The following SLC4A5 variants were observed in gnomAD, a reference collection of about 807,000 sequenced individuals.
SLC4A5 encodes solute carrier family 4 member 5, also known as electrogenic sodium bicarbonate cotransporter 4.
A neutral mutation model predicts 120.4 loss-of-function variants in SLC4A5; 96 were observed. That is an observed-to-expected ratio of 0.80 (90% confidence interval 0.68 to 0.94). SLC4A5 has a LOEUF of 0.94. Among genes scored for constraint, SLC4A5 ranks in the 40% least tolerant of loss-of-function variants. SLC4A5 has a pLI of 0.00. For missense variants in SLC4A5, 1,259 were observed against 1,459.5 expected (o/e 0.86, Z 2.24); for synonymous variants, 550 against 571.1 (o/e 0.96, Z 0.53).
At chr2:74,312,243 A>ATGTGTGTG (rs111417670) in intron 6 of SLC4A5, among the ~76,000 whole-genome samples, 35 of 139,448 alleles carry the variant, frequency 2.5e-4, no homozygotes, top group African/African-American at 8.7e-4. Context: ...GTGTGTGTAT[A>ATGTGTGTG]TGTGTGTGTG....
At chr2:74,265,213 C>A in exon 9 of SLC4A5, 1 of 1,614,254 alleles carries the variant, frequency 6.2e-7, no homozygotes, top group Non-Finnish European at 8.5e-7. Flanking sequence ...ACACGTGGGG[C>A]TTGCTCCAGC....
intron 6 of SLC4A5, among the ~76,000 whole-genome samples, chr2:74,312,866 G>C (rs1364099392): frequency 2.0e-5 from 3 of 152,162 alleles, no homozygotes; most frequent in Non-Finnish European, 2.9e-5. Flanking sequence ...CTGGGAGGCA[G>C]AGGTTGCAGT....
intron 8 of SLC4A5, among the ~76,000 whole-genome samples, chr2:74,272,543 C>T (rs1391310857): frequency 6.6e-6 from 1 of 152,206 alleles, no homozygotes; most frequent in Non-Finnish European, 1.5e-5. Flanking sequence ...TCTCCACGTT[C>T]TCCTTCATTA....
intron 19 of SLC4A5, among the ~76,000 whole-genome samples, chr2:74,245,186 G>A (rs1021716453): frequency 6.6e-6 from 1 of 152,090 alleles, no homozygotes. Context: ...GGGTGTGGTG[G>A]TGCACACTTG....
intron 8 of SLC4A5, among the ~76,000 whole-genome samples, chr2:74,268,286 G>A (rs73948727): frequency 0.094 from 14,381 of 152,204 alleles, 1,637 homozygotes; most frequent in African/African-American, 0.27. Context: ...GAGGCATCAT[G>A]CTGATGTCTT....
At chr2:74,236,618 A>T (rs1670277492) in intron 21 of SLC4A5, among the ~76,000 whole-genome samples, 1 of 152,218 alleles carries the variant, frequency 6.6e-6, no homozygotes, top group African/African-American at 2.4e-5. Flanking sequence ...TATTATCATG[A>T]TCATATAAAT....
intron 20 of SLC4A5, among the ~76,000 whole-genome samples, 175 bp downstream of exon 20, chr2:74,241,819 T>C (rs1670457822): frequency 6.6e-6 from 1 of 151,674 alleles, no homozygotes; most frequent in South Asian, 2.1e-4. Flanking sequence ...GTTTACAGTA[T>C]ATACCTAAGA....
At chr2:74,327,398 A>C in intron 5 of SLC4A5, among the ~76,000 whole-genome samples, 1 of 152,198 alleles carries the variant, frequency 6.6e-6, no homozygotes. Context: ...AATCGACAAG[A>C]ATGACACGGG....
intron 6 of SLC4A5, chr2:74,306,630 T>G (rs984922901): frequency 1.8e-5 from 8 of 439,934 alleles, no homozygotes; most frequent in Non-Finnish European, 2.8e-5. Context: ...TCCATGTGTT[T>G]TCAAGGTTTG....
At chr2:74,328,140 A>G (rs779566772) in exon 5 of SLC4A5, 3 of 985,754 alleles carry the variant, frequency 3.0e-6, no homozygotes, top group Non-Finnish European at 3.6e-6. Flanking sequence ...TTAGCTCTGG[A>G]AACCAGGATC....
At chr2:74,251,816 G>A (rs1251094776) in intron 16 of SLC4A5, among the ~76,000 whole-genome samples, 1 of 152,212 alleles carries the variant, frequency 6.6e-6, no homozygotes, top group Admixed American at 6.5e-5. Flanking sequence ...CAGGGAGCAC[G>A]GTGGTCCTGC....
chr2:74,338,315 GT>G (rs1057442549), intron 3 of SLC4A5, among the ~76,000 whole-genome samples: 5 of 152,130 alleles, frequency 3.3e-5, no homozygotes, highest in Non-Finnish European at 7.3e-5. Flanking sequence ...TCTTGTAACT[GT>G]GTTATTTTAA....
chr2:74,333,996 A>G (rs1181493061), intron 4 of SLC4A5, 31 bp downstream of exon 4: 1 of 152,226 alleles, frequency 6.6e-6, no homozygotes, highest in Non-Finnish European at 1.5e-5. Flanking sequence ...TTTACCCACA[A>G]GAAGTTCCCC....
At chr2:74,306,878 G>A in intron 6 of SLC4A5, 1 of 630,326 alleles carries the variant, frequency 1.6e-6, no homozygotes, top group South Asian at 1.5e-5. Flanking sequence ...GCAGGCAGTG[G>A]TAGGTGGTGA....
At chr2:74,293,085 G>T (rs560111766) in intron 7 of SLC4A5, among the ~76,000 whole-genome samples, 2 of 152,124 alleles carry the variant, frequency 1.3e-5, no homozygotes, top group African/African-American at 4.8e-5. Flanking sequence ...GGGCAGGGAT[G>T]GGGGGATTCG....
chr2:74,337,961 G>T (rs1345263285), intron 3 of SLC4A5, among the ~76,000 whole-genome samples: 1 of 152,216 alleles, frequency 6.6e-6, no homozygotes, highest in Non-Finnish European at 1.5e-5. Context: ...TTCCAGGCAG[G>T]TGTGGCTGGA....
At chr2:74,228,491 G>T (rs186592928) in intron 25 of SLC4A5, among the ~76,000 whole-genome samples, 1 of 152,124 alleles carries the variant, frequency 6.6e-6, no homozygotes, top group African/African-American at 2.4e-5. Flanking sequence ...TTAGCCAGGC[G>T]TGGTGGCACA....
chr2:74,240,801 A>G lies in SLC4A5; in HGVS notation c.2118+1193T>C, dbSNP rs138277845. Among the ~76,000 whole-genome samples, 13 of 152,276 alleles carry G rather than the reference A, an allele frequency of 8.5e-5. 1 individual carries two copies. In the East Asian group the frequency reaches 2.5e-3, roughly 29 times the overall value. On this transcript the variant is annotated intron_variant, in intron 20 of 30. Transcript: ENST00000394019. The stretch of plus-strand genomic sequence containing the variant: ...AAAAAAACCCTAATCTTTGAAAAAT[A>G]TTAAGTTAAATTGCCAACTAGGATG...
chr2:74,307,264 T>C (rs978941880), intron 6 of SLC4A5: 5 of 517,656 alleles, frequency 9.7e-6, no homozygotes, highest in South Asian at 3.6e-5. Context: ...TGGGCCCAGA[T>C]GTCTGCCATG....
Sources: gnomAD v4.1 joint callset for allele counts (sites outside exome capture counted in the v4.1 genomes callset) on GRCh38, gnomAD v4.1.1 for gene constraint, MANE v1.5 for transcripts, NCBI Gene and HGNC (gene_info 2026-07-23, HGNC 2026-07-21) for gene names.